The following SMARCA2 variants were observed in gnomAD, a reference collection of about 807,000 sequenced individuals.
SMARCA2 encodes SWI/SNF related BAF chromatin remodeling complex subunit ATPase 2, also known as SWI/SNF-related matrix-associated actin-dependent regulator of chromatin subfamily A member 2.
SMARCA2 carries 61 observed loss-of-function variants against 199.8 expected under a neutral mutation model. The observed-to-expected ratio is 0.31, with a 90% CI of 0.25 to 0.38. SMARCA2 has a LOEUF of 0.38. SMARCA2 is among the 10% of genes least tolerant of loss of function. The pLI, the probability that SMARCA2 is intolerant of heterozygous loss-of-function variation, is 1.00. For missense variants in SMARCA2, 1,344 were observed against 2,012.2 expected (o/e 0.67, Z 6.35); for synonymous variants, 935 against 732.0 (o/e 1.28, Z -4.48).
Position 2,039,378 on chromosome 9 carries a change from C to G in SMARCA2, c.356-88C>G. ...TTCAAATTTCTGTCAGACAGTGTTG[C>G]TGTGGACAATTATTAGAGTATTCAG... On this transcript the variant is annotated intron_variant, in intron 3 of 33. Transcript: ENST00000349721. This position sits in a 1 kb window ranked among gnomAD's most constrained non-coding sequence, Gnocchi z 4.8. 8.0e-7 allele frequency: 1 copy of G among 1,255,220 alleles called. No individual in the cohort carries two copies. Among genetic ancestry groups the G allele is most frequent in the Non-Finnish European group, 1.1e-6 (1 of 896,710 alleles). The allele number at this position is 1,255,220 out of a possible 1,614,324, so 77.8% of individuals were successfully genotyped here.
intron 22 of SMARCA2, among the ~76,000 whole-genome samples, 179 bp from the exon 23 acceptor site, chr9:2,103,824 C>T (rs1024507823): frequency 1.3e-5 from 2 of 151,990 alleles, no homozygotes; most frequent in African/African-American, 4.8e-5. Flanking sequence ...ATATATTTTC[C>T]TTTTCTGCTA....
chr9:2,057,561 A>G (rs1469966107), intron 7 of SMARCA2, among the ~76,000 whole-genome samples: 1 of 152,218 alleles, frequency 6.6e-6, no homozygotes, highest in Non-Finnish European at 1.5e-5. Flanking sequence ...GAAAGTAGAA[A>G]GCAAAAAGTT....
chr9:2,188,443 C>G (rs1827644777), intron 32 of SMARCA2, among the ~76,000 whole-genome samples: 1 of 152,060 alleles, frequency 6.6e-6, no homozygotes, highest in South Asian at 2.1e-4. Context: ...AGTGATTCTG[C>G]CTTTTATTTG....
At chr9:2,054,821 C>G in intron 6 of SMARCA2, 98 bp downstream of exon 6, 2 of 1,255,038 alleles carry the variant, frequency 1.6e-6, no homozygotes, top group Non-Finnish European at 2.2e-6. Flanking sequence ...AATATTGTTA[C>G]AAAGATATAA....
intron 9 of SMARCA2, among the ~76,000 whole-genome samples, chr9:2,062,657 C>T (rs1351357975): frequency 6.6e-6 from 1 of 152,110 alleles, no homozygotes; most frequent in Non-Finnish European, 1.5e-5. Flanking sequence ...GGTAATAGCA[C>T]TTATTCTTTG....
intron 7 of SMARCA2, among the ~76,000 whole-genome samples, chr9:2,057,501 C>A (rs1820407358): frequency 6.6e-6 from 1 of 152,110 alleles, no homozygotes; most frequent in Non-Finnish European, 1.5e-5. Context: ...AATGGGTGGG[C>A]ATAGGTGGAT....
At chr9:2,140,221 C>G (rs538757631) in intron 27 of SMARCA2, among the ~76,000 whole-genome samples, 1 of 152,176 alleles carries the variant, frequency 6.6e-6, no homozygotes, top group Non-Finnish European at 1.5e-5. Context: ...ATAACAGATG[C>G]TAACAGGATC....
intron 1 of SMARCA2, among the ~76,000 whole-genome samples, chr9:2,021,211 C>G (rs1238346594): frequency 6.6e-6 from 1 of 151,874 alleles, no homozygotes; most frequent in Non-Finnish European, 1.5e-5. Flanking sequence ...TGGGCTGGCC[C>G]TTTTGTAAGT....
intron 28 of SMARCA2, among the ~76,000 whole-genome samples, chr9:2,165,600 G>C (rs1480465060): frequency 6.6e-6 from 1 of 152,142 alleles, no homozygotes; most frequent in African/African-American, 2.4e-5. Flanking sequence ...GTTTTGACTT[G>C]TTAAGCATGC....
At chr9:2,070,790 G>T (rs1418487524) in intron 10 of SMARCA2, among the ~76,000 whole-genome samples, 1 of 152,026 alleles carries the variant, frequency 6.6e-6, no homozygotes, top group Non-Finnish European at 1.5e-5. Flanking sequence ...TAATTATATT[G>T]CCCAATAAAT....
intron 21 of SMARCA2, 34 bp from the exon 22 acceptor site, chr9:2,101,536 T>C: frequency 8.3e-7 from 1 of 1,211,284 alleles, no homozygotes; most frequent in Non-Finnish European, 1.2e-6. Context: ...ATTACATTTT[T>C]TAAAATCATT....
intron 29 of SMARCA2, among the ~76,000 whole-genome samples, chr9:2,180,037 T>C (rs1383237473): frequency 6.6e-6 from 1 of 152,180 alleles, no homozygotes; most frequent in Non-Finnish European, 1.5e-5. Context: ...GTTCTTGTCA[T>C]ATACTATGTG....
rs529516646 is a variant in SMARCA2, at chr9:2,133,800, C to T, written c.3981+9863C>T. 4.0e-4 allele frequency among the ~76,000 whole-genome samples: 61 copies of T among 152,190 alleles called. No homozygotes were observed. The East Asian group carries it at 6.7e-3, about 17-fold the overall frequency. ...CTCATCATCATTATGCCTCAGGGTTCGGGTGAGCATCAGAAAAATAACTGT... is the reference window on the plus strand; with the variant it reads ...CTCATCATCATTATGCCTCAGGGTTTGGGTGAGCATCAGAAAAATAACTGT... On this transcript the variant is annotated intron_variant, in intron 27 of 33. Transcript: ENST00000349721.
chr9:2,146,534 G>C (rs1824757044), intron 27 of SMARCA2, among the ~76,000 whole-genome samples: 4 of 152,184 alleles, frequency 2.6e-5, no homozygotes, highest in Admixed American at 2.0e-4. Context: ...TCCGGATCCA[G>C]ATCCCAAGAG....
At chr9:2,073,727 C>T (rs1266278628) in intron 12 of SMARCA2, 104 bp downstream of exon 12, 13 of 833,468 alleles carry the variant, frequency 1.6e-5, no homozygotes, top group Non-Finnish European at 2.4e-5. Context: ...ATCATTTCTT[C>T]CTCCAGGATT....
intron 27 of SMARCA2, among the ~76,000 whole-genome samples, chr9:2,126,923 TCTC>T (rs575053966): frequency 2.6e-5 from 4 of 152,300 alleles, no homozygotes; most frequent in African/African-American, 9.6e-5. Context: ...CCTTGTAGCT[TCTC>T]CTCAGAGGCC....
intron 24 of SMARCA2, among the ~76,000 whole-genome samples, chr9:2,113,691 T>C (rs1490447175): frequency 2.0e-5 from 3 of 152,194 alleles, no homozygotes; most frequent in Non-Finnish European, 4.4e-5. Context: ...GAAACTTAAC[T>C]GCAGCAAATT....
chr9:2,080,550 A>G (rs1161426647), intron 14 of SMARCA2, among the ~76,000 whole-genome samples: 1 of 152,136 alleles, frequency 6.6e-6, no homozygotes, highest in African/African-American at 2.4e-5. Context: ...GCAGGCTGAC[A>G]GCTTCTCCTG....
At chr9:2,072,029 C>T (rs917907998) in intron 10 of SMARCA2, 1 of 152,092 alleles carries the variant, frequency 6.6e-6, no homozygotes, top group African/African-American at 2.4e-5. Flanking sequence ...CTTGTGCTGA[C>T]AGTGCTTTGT....
Sources: allele counts gnomAD v4.1 joint callset (sites outside exome capture counted in the v4.1 genomes callset), GRCh38; gene constraint gnomAD v4.1.1; non-coding constraint Gnocchi (gnomAD v3.1); transcripts MANE v1.5; gene names NCBI Gene and HGNC (gene_info 2026-07-23, HGNC 2026-07-21).